The following COPS9 variants were observed in gnomAD, a reference collection of about 807,000 sequenced individuals.
COPS9 encodes the protein COP9 signalosome subunit 9.
In COPS9, 8 loss-of-function variants were observed where a neutral mutation model predicts 7.2. The observed-to-expected ratio is 1.11, with a 90% CI of 0.65 to 2.00. The LOEUF is 2.00. COPS9 is among the 30% of genes most tolerant of loss of function. The probability of loss-of-function intolerance (pLI) is 0.00; values close to 1 mark genes in which losing one functional copy is unlikely to be tolerated. For missense variants in COPS9, 74 were observed against 77.7 expected, an observed-to-expected ratio of 0.95 and a Z score of 0.18; for synonymous variants, 39 against 28.7, an observed-to-expected ratio of 1.36 and a Z score of -1.14.
intron 2 of COPS9, 149 bp from the exon 3 acceptor site, chr2:240,131,237 A>G (rs2071919212): frequency 1.0e-6 from 1 of 953,112 alleles, no homozygotes; most frequent in Non-Finnish European, 1.6e-6. Context: ...ACAGACTTTC[A>G]GTTTCAGCCA....
At chr2:240,129,885 CCTT>C (rs1559477219), downstream of COPS9, 1 of 1,599,118 alleles carries the variant, frequency 6.3e-7, no homozygotes, top group Non-Finnish European at 8.6e-7. Flanking sequence ...CCAGTGCAGA[CCTT>C]CTTACAGAGA....
Position 240,130,930 on chromosome 2 carries a change from A to G in COPS9, c.*121T>C. On this transcript the variant is annotated 3_prime_UTR_variant, in exon 3 of 3. Transcript: ENST00000607357. ...AAGAACAGTCTTATCTTTCTGGTTAACCAGGTCCTAAATTCAAGGGATTTC... is the reference window on the plus strand; with the variant it reads ...AAGAACAGTCTTATCTTTCTGGTTAGCCAGGTCCTAAATTCAAGGGATTTC... 6.7e-7 allele frequency: 1 copy of G among 1,494,568 alleles called. No individual in the cohort carries two copies. Among genetic ancestry groups the G allele is most frequent in the Non-Finnish European group, 8.9e-7 (1 of 1,121,820 alleles). 92.6% of individuals were successfully genotyped at this position (1,494,568 alleles called of 1,614,324 possible). A position where few individuals can be genotyped will look rare whatever the true frequency, so the allele number is the denominator to read the frequency against.
intron 1 of COPS9, among the ~76,000 whole-genome samples, chr2:240,135,334 C>T (rs1052769093): frequency 1.3e-5 from 2 of 152,186 alleles, no homozygotes; most frequent in Admixed American, 6.5e-5. Context: ...GCTGAGCCCC[C>T]TCAAAGCCCT....
At chr2:240,134,775 C>T (rs1349707308) in intron 1 of COPS9, among the ~76,000 whole-genome samples, 4 of 152,190 alleles carry the variant, frequency 2.6e-5, no homozygotes, top group African/African-American at 9.7e-5. Context: ...CTCAGCCACC[C>T]TCCCTGTCCC....
chr2:240,126,871 C>A, downstream of COPS9: 15 of 1,614,168 alleles, frequency 9.3e-6, no homozygotes, highest in Non-Finnish European at 1.3e-5. Context: ...GCCTCCGCCC[C>A]CTGCCCATGG....
In COPS9 at chr2:240,136,226, T is replaced by A; in HGVS notation, c.59A>T (p.Asp20Val). 6.4e-7 allele frequency: 1 copy of A among 1,556,622 alleles called. No individual in the cohort carries two copies. The highest frequency in any genetic ancestry group is 1.2e-5 in the South Asian group (1 of 85,178). ...CTCCCGCCGGGCCCGTGCCACCTCG[T>A]CCAGGTCCACGTAGGGCCCGGCGCC... ...PEGAGPYVDL[D>V]EAGGSTGLLM... The change falls in exon 1 of 3, where the codon GAC becomes GTC. Residue 20 changes from aspartate (D) to valine (V), a missense_variant. Transcript: ENST00000607357.
chr2:240,131,399 C>T (rs2071921612), intron 2 of COPS9, among the ~76,000 whole-genome samples: 1 of 152,236 alleles, frequency 6.6e-6, no homozygotes, highest in Non-Finnish European at 1.5e-5. Context: ...TCAGGACACG[C>T]CAGTGCCGTG....
At chr2:240,126,663 G>T (rs774059458), downstream of COPS9, 1 of 1,614,210 alleles carries the variant, frequency 6.2e-7, no homozygotes, top group Non-Finnish European at 8.5e-7. Context: ...CCTCCAGTGA[G>T]TAGAAACTGA....
At chr2:240,126,591 G>A (rs766871087), downstream of COPS9, 1 of 1,614,120 alleles carries the variant, frequency 6.2e-7, no homozygotes, top group Non-Finnish European at 8.5e-7. Flanking sequence ...TGGCTGTGTG[G>A]TCTTCTTCCC....
chr2:240,136,242 GC>G lies in COPS9; in HGVS notation c.42del (p.Tyr16ThrfsTer14). 6.4e-7 allele frequency: 1 copy of G among 1,565,800 alleles called. No individual in the cohort carries two copies. The highest frequency in any genetic ancestry group is 8.6e-7 in the Non-Finnish European group (1 of 1,159,686). ...GCCACCTCGTCCAGGTCCACGTAGGGCCCGGCGCCCTCGGGGAACATCTCGT... is the reference window on the plus strand; with the variant it reads ...GCCACCTCGTCCAGGTCCACGTAGGGCCGGCGCCCTCGGGGAACATCTCGT... ...AVDEMFPEGA[G>X]PYVDLDEAGG... On this transcript the variant is annotated frameshift_variant, in exon 1 of 3. Transcript: ENST00000607357. LOFTEE classifies it high-confidence loss of function.
intron 1 of COPS9, among the ~76,000 whole-genome samples, chr2:240,135,575 C>T (rs2071968573): frequency 6.6e-6 from 1 of 152,190 alleles, no homozygotes. Flanking sequence ...AGAACGCTCA[C>T]ATCAGACAAG....
chr2:240,133,034 C>T (rs927222398), intron 2 of COPS9, among the ~76,000 whole-genome samples: 1 of 152,218 alleles, frequency 6.6e-6, no homozygotes, highest in African/African-American at 2.4e-5. Context: ...TGGCTGCTCC[C>T]CTCAGGCAAT....
downstream of COPS9, among the ~76,000 whole-genome samples, chr2:240,129,088 A>C (rs998373627): frequency 6.6e-6 from 1 of 152,106 alleles, no homozygotes; most frequent in African/African-American, 2.4e-5. Flanking sequence ...TCTCTTCTCC[A>C]CCTGGGATCA....
At chr2:240,127,062 A>G, downstream of COPS9, 5 of 1,281,126 alleles carry the variant, frequency 3.9e-6, no homozygotes, top group Non-Finnish European at 4.3e-6. Context: ...TCTACAAGGT[A>G]CAGGAACTTA....
At chr2:240,135,509 T>G (rs552960733) in intron 1 of COPS9, among the ~76,000 whole-genome samples, 1 of 152,184 alleles carries the variant, frequency 6.6e-6, no homozygotes, top group Non-Finnish European at 1.5e-5. Context: ...ATGTAGGAGC[T>G]GGCCTGCCAC....
At chr2:240,126,898 C>T (rs1001779187), downstream of COPS9, 3 of 1,613,994 alleles carry the variant, frequency 1.9e-6, no homozygotes, top group Non-Finnish European at 2.5e-6. Flanking sequence ...CTCCCAAACG[C>T]TCTGTCCAAA....
chr2:240,136,142 A>G, intron 1 of COPS9, 80 bp downstream of exon 1: 12 of 736,906 alleles, frequency 1.6e-5, no homozygotes, highest in South Asian at 5.0e-5. Flanking sequence ...CCTCCCCGGG[A>G]CCCGCGCACC....
At chr2:240,136,184 C>G (rs775818397) in intron 1 of COPS9, 38 bp downstream of exon 1, 7 of 1,487,856 alleles carry the variant, frequency 4.7e-6, no homozygotes, top group Non-Finnish European at 6.2e-6. Context: ...CCCTTCCCCG[C>G]TCCCCACGCT....
downstream of COPS9, among the ~76,000 whole-genome samples, chr2:240,128,984 T>C (rs549702283): frequency 6.2e-4 from 94 of 152,180 alleles, no homozygotes; most frequent in Non-Finnish European, 1.1e-3. Flanking sequence ...AAACCTGAAA[T>C]TCTACGGCCC....
Sources: gnomAD v4.1 joint callset for allele counts (sites outside exome capture counted in the v4.1 genomes callset) on GRCh38, gnomAD v4.1.1 for gene constraint, MANE v1.5 for transcripts, NCBI Gene and HGNC (gene_info 2026-07-23, HGNC 2026-07-21) for gene names.